The following TCOF1 variants were observed in gnomAD, a reference collection of about 807,000 sequenced individuals.
TCOF1 encodes the protein treacle protein.
TCOF1 carries 33 observed loss-of-function variants against 149.0 expected under a neutral mutation model. The observed-to-expected ratio is 0.22, with a 90% CI of 0.17 to 0.30. TCOF1 has a LOEUF of 0.30. TCOF1 is among the 10% of genes least tolerant of loss of function. The pLI is 1.00. For missense variants in TCOF1, 1,728 were observed against 1,840.7 expected, an observed-to-expected ratio of 0.94 and a Z score of 1.12; for synonymous variants, 789 against 738.8, an observed-to-expected ratio of 1.07 and a Z score of -1.10.
intron 17 of TCOF1, among the ~76,000 whole-genome samples, chr5:150,387,213 C>T (rs561511819): frequency 2.0e-5 from 3 of 152,356 alleles, no homozygotes; most frequent in South Asian, 4.1e-4. Flanking sequence ...TCCCTATTTC[C>T]CTGATTGTCT....
rs1197233266 is a variant in TCOF1 at position 150,368,710 on chromosome 5, CT to C, written c.379-5del. 1 of 1,613,864 alleles carries C rather than the reference CT, an allele frequency of 6.2e-7. No homozygotes were observed. The highest frequency in any genetic ancestry group is 8.5e-7 in the Non-Finnish European group (1 of 1,179,990). On this transcript the variant is annotated splice_polypyrimidine_tract_variant and splice_region_variant and intron_variant, in intron 4 of 26. Transcript: ENST00000643257. The stretch of plus-strand genomic sequence containing the variant: ...CAGATGTGTCTGTCACTCTTGTTCT[CT>C]GTAGGCAGAGACAGAGAAAGCTGGC...
At position 150,398,458 on chromosome 5, in the gene TCOF1, A is replaced by G; in HGVS notation, c.4443+7A>G. On this transcript the variant is annotated splice_region_variant and intron_variant, in intron 25 of 26. Coordinates refer to ENST00000643257, the MANE Select transcript of TCOF1 (RefSeq NM_001371623.1). ...GAAGAAAAAGAAGAAAAAGGTAGAG[A>G]GTTCCTGGGGTGTCTCAGGCCAGAA... 1 of 1,614,112 alleles carries G rather than the reference A, an allele frequency of 6.2e-7. No homozygotes were observed. Among genetic ancestry groups the G allele is most frequent in the Non-Finnish European group, 8.5e-7 (1 of 1,179,974 alleles).
chr5:150,377,565 T>G (rs1209835772), intron 14 of TCOF1, among the ~76,000 whole-genome samples: 1 of 152,252 alleles, frequency 6.6e-6, no homozygotes, highest in Non-Finnish European at 1.5e-5. Context: ...TCATTTCTTT[T>G]TTCTCTGTAC....
chr5:150,379,068 G>C lies in TCOF1; in HGVS notation c.2478+26G>C, dbSNP rs1356860564. 4 of 1,613,804 alleles carry C rather than the reference G, an allele frequency of 2.5e-6. No individual in the cohort carries two copies. In the South Asian group the frequency reaches 3.3e-5, roughly 13 times the overall value. ...GCAAGTGGGGCCAGAAGCCACAGGA[G>C]GTGTGGAGGGTTGGGGTAGAGAGGA... On this transcript the variant is annotated intron_variant, in intron 15 of 26. Coordinates refer to ENST00000643257, the MANE Select transcript of TCOF1 (RefSeq NM_001371623.1).
chr5:150,375,512 C>T lies in TCOF1; in HGVS notation c.1662C>T (p.Asp554=). ...AGAGCAGTAGTGAGGAGTCATCAGA[C>T]AGCAGTGATGGAGAGGTGCCCACAG... The part of the protein sequence containing the change: ...DSESSSEESS[D]SSDGEVPTAV... The change falls in exon 11 of 27, where the codon GAC becomes GAT. Residue 554 remains aspartate, a synonymous_variant. Transcript: ENST00000643257. 6.2e-7 allele frequency: 1 copy of T among 1,614,170 alleles called. No homozygotes were observed. The highest frequency in any genetic ancestry group is 8.5e-7 in the Non-Finnish European group (1 of 1,180,010).
intron 4 of TCOF1, chr5:150,368,358 G>C (rs1291134689): frequency 5.5e-6 from 2 of 362,772 alleles, no homozygotes; most frequent in East Asian, 1.2e-4. Flanking sequence ...TAATAATCCA[G>C]AAAGCAGAGT....
At chr5:150,358,198 G>T (rs562138623) in intron 1 of TCOF1, among the ~76,000 whole-genome samples, 6 of 152,132 alleles carry the variant, frequency 3.9e-5, no homozygotes, top group African/African-American at 1.4e-4. Context: ...GGCTCTGCGC[G>T]GCCCCCCCTG....
chr5:150,379,282 A>G lies in TCOF1; in HGVS notation c.2532A>G (p.Pro844=). The G allele has an allele frequency of 6.2e-7, 1 of 1,614,242 alleles. No homozygotes were observed. The change falls in exon 16 of 27, where the codon CCA becomes CCG. Residue 844 remains proline (P), a synonymous_variant. Transcript: ENST00000643257. ...PQNSTVLARG[P]ASVPSVGKAV... ...ACAGTACCGTCTTGGCGAGGGGCCC[A>G]GCATCTGTGCCATCTGTGGGGAAGG... is the stretch of plus-strand genomic sequence containing the variant.
intron 5 of TCOF1, 43 bp from the exon 6 acceptor site, chr5:150,369,486 C>T (rs774022114): frequency 1.2e-6 from 2 of 1,611,418 alleles, no homozygotes; most frequent in South Asian, 2.2e-5. Flanking sequence ...GCAGGTGAGG[C>T]TGGAAAGGGA....
chr5:150,376,540 G>C lies in TCOF1; in HGVS notation c.2260G>C (p.Val754Leu). 4 of 1,608,804 alleles carry C rather than the reference G, an allele frequency of 2.5e-6. No homozygotes were observed. Among genetic ancestry groups the C allele is most frequent in the Non-Finnish European group, 3.4e-6 (4 of 1,177,434 alleles). Residue 754 changes from valine to leucine, a missense_variant, in exon 14 of 27, where the codon GTG becomes CTG. Coordinates refer to ENST00000643257, the MANE Select transcript of TCOF1 (RefSeq NM_001371623.1). ...PGKTGPTVTQ[V>L]KAEKQEDSES... ...GAAGACGGGGCCTACAGTCACCCAG[G>C]TGAAAGCTGAAAAGCAGGAAGACTC... is the stretch of plus-strand genomic sequence containing the variant.
At chr5:150,361,295 C>A in intron 2 of TCOF1, 84 bp downstream of exon 2, 1 of 1,524,926 alleles carries the variant, frequency 6.6e-7, no homozygotes, top group Non-Finnish European at 9.1e-7. Context: ...CCTATCTGGT[C>A]TAAGATCTGT....
intron 23 of TCOF1, among the ~76,000 whole-genome samples, chr5:150,395,149 C>T (rs1449257538): frequency 1.3e-5 from 2 of 152,216 alleles, no homozygotes; most frequent in African/African-American, 2.4e-5. Flanking sequence ...AGCCAAAAGT[C>T]GCCAGAAATC....
At chr5:150,367,648 C>G (rs1761649435) in intron 3 of TCOF1, 196 bp from the exon 4 acceptor site, 1 of 640,578 alleles carries the variant, frequency 1.6e-6, no homozygotes, top group Non-Finnish European at 2.8e-6. Flanking sequence ...TTACCATCCT[C>G]TTCTCTCTTG....
intron 17 of TCOF1, among the ~76,000 whole-genome samples, chr5:150,383,386 G>A (rs1315833409): frequency 6.6e-6 from 1 of 152,270 alleles, no homozygotes; most frequent in Non-Finnish European, 1.5e-5. Flanking sequence ...AGAGCCAGGT[G>A]GTGTTGGGGC....
intron 15 of TCOF1, 40 bp downstream of exon 15, chr5:150,379,082 G>C: frequency 6.2e-7 from 1 of 1,613,820 alleles, no homozygotes; most frequent in Non-Finnish European, 8.5e-7. Context: ...TGGAGGGTTG[G>C]GGTAGAGAGG....
rs755063472 is a variant in TCOF1, at chr5:150,392,159, A to C, written c.3500A>C (p.Lys1167Thr). 4 of 1,613,976 alleles carry C rather than the reference A, an allele frequency of 2.5e-6. No homozygotes were observed. In the East Asian group the frequency reaches 8.9e-5, roughly 36 times the overall value. Reference protein sequence around the residue: ...EEDGEGPQGAKSAHTLVGPTP... With the variant: ...EEDGEGPQGATSAHTLVGPTP... ...GATGGTGAAGGGCCCCAGGGGGCCA[A>C]GTCAGCCCACACGCTGGGTGAGGGT... The change falls in exon 21 of 27, where the codon AAG becomes ACG. Residue 1167 changes from lysine to threonine, a missense_variant. By Grantham distance (78) the Lys-to-Thr change is moderately conservative. This residue lies in a region of TCOF1 where 1,696 missense variants were observed against 1,765.4 expected (regional missense o/e 0.96). Coordinates refer to ENST00000643257, the MANE Select transcript of TCOF1 (RefSeq NM_001371623.1).
At chr5:150,374,897 T>C in intron 9 of TCOF1, 57 bp from the exon 10 acceptor site, 1 of 1,611,104 alleles carries the variant, frequency 6.2e-7, no homozygotes, top group Non-Finnish European at 8.5e-7. Flanking sequence ...CACATCCAGC[T>C]CCTGTCTCCA....
chr5:150,364,692 C>T (rs1013323843), intron 3 of TCOF1, among the ~76,000 whole-genome samples: 5 of 152,196 alleles, frequency 3.3e-5, no homozygotes, highest in African/African-American at 9.7e-5. Flanking sequence ...AGCACTGGAA[C>T]GCTGTACTGG....
intron 15 of TCOF1, 78 bp downstream of exon 15, chr5:150,379,120 G>A: frequency 6.2e-7 from 1 of 1,613,920 alleles, no homozygotes; most frequent in South Asian, 1.1e-5. Flanking sequence ...CCAGCCAGGA[G>A]AAGGTGCGTG....
Sources: gnomAD v4.1 joint callset for allele counts (sites outside exome capture counted in the v4.1 genomes callset) on GRCh38, gnomAD v4.1.1 for gene constraint, gnomAD v4.1.1 regional missense constraint, MANE v1.5 for transcripts, NCBI Gene and HGNC (gene_info 2026-07-23, HGNC 2026-07-21) for gene names.